Variants in CRB1 observed in about 807,000 individuals in gnomAD.
The protein encoded by CRB1 is crumbs cell polarity complex component 1, also known as protein crumbs homolog 1.
In CRB1, 83 loss-of-function variants were observed where a neutral mutation model predicts 120.0. The observed-to-expected ratio is 0.69, with a 90% CI of 0.58 to 0.83. The LOEUF is 0.83. Ranked by LOEUF, CRB1 falls within the 40% of genes least tolerant of loss-of-function variation. The pLI is 0.00. For synonymous variants in CRB1, 625 were observed against 612.5 expected (o/e 1.02, Z -0.30); for missense variants, 1,699 against 1,687.6 (o/e 1.01, Z -0.12).
chr1:197,401,723 A>G (rs1420640963), intron 5 of CRB1, among the ~76,000 whole-genome samples: 1 of 152,108 alleles, frequency 6.6e-6, no homozygotes, highest in Non-Finnish European at 1.5e-5. Context: ...CAATGATATT[A>G]TAATTTTTCC....
At chr1:197,263,613 T>G (rs1654564976), upstream of CRB1, among the ~76,000 whole-genome samples, 1 of 152,148 alleles carries the variant, frequency 6.6e-6, no homozygotes, top group Non-Finnish European at 1.5e-5. Context: ...TGAGCTTTTC[T>G]AAATTGGAGA....
intron 5 of CRB1, chr1:197,357,911 G>A (rs1660574580): frequency 6.6e-6 from 1 of 152,126 alleles, no homozygotes; most frequent in East Asian, 1.9e-4. Context: ...ACCTTTCAAG[G>A]AGAACATACA....
At chr1:197,220,535 G>A in the CRB1 span, among the ~76,000 whole-genome samples, 1 of 152,120 alleles carries the variant, frequency 6.6e-6, no homozygotes, top group South Asian at 2.1e-4. Flanking sequence ...AGAGCTTTAG[G>A]GAGCAAAGGT....
At chr1:197,391,840 C>T (rs1479826749) in intron 5 of CRB1, among the ~76,000 whole-genome samples, 1 of 152,004 alleles carries the variant, frequency 6.6e-6, no homozygotes, top group Non-Finnish European at 1.5e-5. Flanking sequence ...GACCCTCCTA[C>T]AGTAATATAC....
chr1:197,223,378 T>A, the CRB1 span: 1 of 502,682 alleles, frequency 2.0e-6, no homozygotes, highest in Non-Finnish European at 3.6e-6. Context: ...ACATTTCTTC[T>A]CTATTTTGTG....
At chr1:197,345,698 G>A (rs1288655152) in intron 3 of CRB1, among the ~76,000 whole-genome samples, 3 of 151,690 alleles carry the variant, frequency 2.0e-5, no homozygotes, top group Non-Finnish European at 4.4e-5. Flanking sequence ...AGTAGAGATA[G>A]GGTTTCACCA....
chr1:197,393,573 A>G (rs1662618861), intron 5 of CRB1, among the ~76,000 whole-genome samples: 2 of 152,238 alleles, frequency 1.3e-5, no homozygotes, highest in African/African-American at 4.8e-5. Flanking sequence ...ATGGAGAAAT[A>G]TTCTCACTAT....
At chr1:197,343,717 G>A (rs1339500177) in intron 2 of CRB1, among the ~76,000 whole-genome samples, 1 of 152,128 alleles carries the variant, frequency 6.6e-6, no homozygotes, top group African/African-American at 2.4e-5. Context: ...TATGTATCAG[G>A]TACTGCTATA....
At chr1:197,238,463 A>G in the CRB1 span, among the ~76,000 whole-genome samples, 1 of 152,128 alleles carries the variant, frequency 6.6e-6, no homozygotes, top group African/African-American at 2.4e-5. Context: ...CACCTTAAAT[A>G]TTTTTGAAAG....
At chr1:197,212,190 G>T in the CRB1 span, among the ~76,000 whole-genome samples, 52,541 of 151,936 alleles carry the variant, frequency 0.35, 11,539 homozygotes, top group East Asian at 0.77. Flanking sequence ...AATGTAAACT[G>T]GTATAGCACT....
chr1:197,380,630 AC>A (rs1282793454), intron 5 of CRB1, among the ~76,000 whole-genome samples: 2 of 152,320 alleles, frequency 1.3e-5, no homozygotes, highest in East Asian at 3.9e-4. Flanking sequence ...AAAATGAGAG[AC>A]ACAAGCACCA....
the CRB1 span, among the ~76,000 whole-genome samples, chr1:197,201,993 T>G: frequency 1.3e-5 from 2 of 152,194 alleles, no homozygotes; most frequent in Non-Finnish European, 2.9e-5. Context: ...CCTGAGATTT[T>G]GGATTTCTGA....
intron 5 of CRB1, among the ~76,000 whole-genome samples, chr1:197,404,469 A>T (rs1374582305): frequency 6.7e-6 from 1 of 149,016 alleles, no homozygotes; most frequent in East Asian, 2.0e-4. Context: ...AAAAAAAAAA[A>T]GTAGTGGAAC....
At chr1:197,437,434 T>C (rs887442016) in intron 9 of CRB1, among the ~76,000 whole-genome samples, 2 of 152,130 alleles carry the variant, frequency 1.3e-5, no homozygotes, top group African/African-American at 2.4e-5. Context: ...AATAAACACA[T>C]AGGCCCTAGT....
At chr1:197,239,477 C>A in the CRB1 span, among the ~76,000 whole-genome samples, 36 of 151,940 alleles carry the variant, frequency 2.4e-4, no homozygotes, top group Non-Finnish European at 3.2e-4. Flanking sequence ...TGGTAATTTT[C>A]TTTGCTGTAA....
At chr1:197,380,196 C>T (rs1477716007) in intron 5 of CRB1, among the ~76,000 whole-genome samples, 3 of 152,090 alleles carry the variant, frequency 2.0e-5, no homozygotes, top group Non-Finnish European at 4.4e-5. Flanking sequence ...GGAATATTAT[C>T]AAAAGTTTTG....
At chr1:197,300,675 A>G (rs1436153827) in intron 1 of CRB1, among the ~76,000 whole-genome samples, 1 of 152,192 alleles carries the variant, frequency 6.6e-6, no homozygotes, top group Non-Finnish European at 1.5e-5. Flanking sequence ...TAGCTAAGAT[A>G]ATTGATTAAA....
At chr1:197,348,069 T>C (rs1319166434) in intron 4 of CRB1, among the ~76,000 whole-genome samples, 2 of 152,238 alleles carry the variant, frequency 1.3e-5, no homozygotes, top group African/African-American at 2.4e-5. Flanking sequence ...CTGCCTGACA[T>C]ACAGCTTTGC....
chr1:197,361,638 C>G (rs1660773405), intron 5 of CRB1, among the ~76,000 whole-genome samples: 4 of 151,856 alleles, frequency 2.6e-5, no homozygotes. Flanking sequence ...ATAATATTGC[C>G]TTATTACTCT....
Sources: gnomAD v4.1 joint callset for allele counts (sites outside exome capture counted in the v4.1 genomes callset) on GRCh38, gnomAD v4.1.1 for gene constraint, MANE v1.5 for transcripts, NCBI Gene and HGNC (gene_info 2026-07-23, HGNC 2026-07-21) for gene names.